Variants in PCSK5 observed in about 807,000 individuals in gnomAD.
The protein encoded by PCSK5 is prohormone convertase 5.
In PCSK5, 129 loss-of-function variants were observed where a neutral mutation model predicts 233.2. The observed-to-expected ratio is 0.55, with a 90% CI of 0.48 to 0.64. The LOEUF is 0.64. Ranked by LOEUF, PCSK5 falls within the 30% of genes least tolerant of loss-of-function variation. PCSK5 has a pLI of 0.00. For missense variants in PCSK5, 2,076 were observed against 2,430.1 expected (o/e 0.85, Z 3.06); for synonymous variants, 825 against 879.2 (o/e 0.94, Z 1.09).
chr9:76,110,897 T>G (rs964214388), intron 9 of PCSK5, among the ~76,000 whole-genome samples: 4 of 152,074 alleles, frequency 2.6e-5, no homozygotes. Context: ...TCACCTGAGG[T>G]CAGGAGTTTG....
At chr9:76,233,336 C>A in intron 21 of PCSK5, 124 bp from the exon 22 acceptor site, 1 of 897,632 alleles carries the variant, frequency 1.1e-6, no homozygotes, top group Non-Finnish European at 1.7e-6. Flanking sequence ...TCCCAGGCAT[C>A]CCCCTTGTTT....
At chr9:76,282,525 C>T (rs1827914872) in intron 24 of PCSK5, among the ~76,000 whole-genome samples, 1 of 149,004 alleles carries the variant, frequency 6.7e-6, no homozygotes, top group South Asian at 2.1e-4. Flanking sequence ...CCTATGTTGC[C>T]CAGGCTGATC....
chr9:76,323,792 G>A lies in PCSK5; in HGVS notation c.4339+504G>A, dbSNP rs184967861. Reference sequence around the variant, plus strand: ...TCACAACAGTGGCTATGAACTGCTGGTCAAAAGAAGTTATCATATAAAGAT... The same window carrying A: ...TCACAACAGTGGCTATGAACTGCTGATCAAAAGAAGTTATCATATAAAGAT... On this transcript the variant is annotated intron_variant, in intron 32 of 37. Transcript: ENST00000674117. Among the ~76,000 whole-genome samples the A allele has an allele frequency of 2.8e-3, 433 of 152,310 alleles. 2 individuals carry two copies. The highest frequency in any genetic ancestry group is 0.01 in the African/African-American group (420 of 41,560).
chr9:75,909,224 G>A (rs1289902019), intron 1 of PCSK5, among the ~76,000 whole-genome samples: 1 of 151,922 alleles, frequency 6.6e-6, no homozygotes, highest in East Asian at 1.9e-4. Context: ...ACTCTGGGAG[G>A]CTGAGGCAGG....
intron 3 of PCSK5, among the ~76,000 whole-genome samples, chr9:76,011,772 T>G (rs1378714601): frequency 1.3e-5 from 2 of 152,190 alleles, no homozygotes; most frequent in African/African-American, 4.8e-5. Flanking sequence ...TGATTTGCCC[T>G]TCCATGGCCA....
intron 2 of PCSK5, among the ~76,000 whole-genome samples, chr9:75,951,668 C>T (rs1454519346): frequency 6.6e-6 from 1 of 152,028 alleles, no homozygotes; most frequent in Non-Finnish European, 1.5e-5. Context: ...TCCTTATCCA[C>T]AGATTCCCAC....
intron 24 of PCSK5, among the ~76,000 whole-genome samples, chr9:76,246,341 CAAAAAAAAAAAAAA>C (rs59806704): frequency 2.3e-4 from 12 of 52,622 alleles, no homozygotes; most frequent in African/African-American, 5.5e-4. Context: ...GATTCCATCT[CAAAAAAAAAAAAAA>C]AAAAAAAAAA....
chr9:75,968,167 AGCACAGTGCCTG>A (rs1423310172), intron 2 of PCSK5, among the ~76,000 whole-genome samples: 2 of 152,250 alleles, frequency 1.3e-5, no homozygotes, highest in African/African-American at 2.4e-5. Flanking sequence ...ACTAGTGCCT[AGCACAGTGCCTG>A]GCACCTGATT....
chr9:75,925,360 T>C (rs557318349), intron 1 of PCSK5, among the ~76,000 whole-genome samples: 11 of 152,358 alleles, frequency 7.2e-5, no homozygotes, highest in African/African-American at 2.6e-4. Flanking sequence ...CCCACTGTTA[T>C]TTCGAGTTCC....
chr9:76,122,670 T>C (rs1427368444), intron 9 of PCSK5, among the ~76,000 whole-genome samples: 2 of 151,990 alleles, frequency 1.3e-5, no homozygotes, highest in African/African-American at 4.8e-5. Flanking sequence ...CTGTGAAGTC[T>C]TAAAAAAAAA....
chr9:76,349,586 C>T (rs1472246370), intron 35 of PCSK5, among the ~76,000 whole-genome samples: 2 of 152,166 alleles, frequency 1.3e-5, no homozygotes, highest in African/African-American at 2.4e-5. Context: ...AGCCATGAAA[C>T]GTCAATTTAA....
At chr9:76,189,554 A>T in intron 19 of PCSK5, 77 bp from the exon 20 acceptor site, 3 of 862,770 alleles carry the variant, frequency 3.5e-6, no homozygotes, top group Non-Finnish European at 5.8e-6. Flanking sequence ...AATGTAAGAC[A>T]TTATGAGGTT....
rs771743769 is a variant in PCSK5 at position 76,067,947 on chromosome 9, G to GC, written c.633-6dup. On this transcript the variant is annotated splice_polypyrimidine_tract_variant and splice_region_variant and intron_variant, in intron 5 of 37. Coordinates refer to ENST00000674117, the MANE Select transcript of PCSK5 (RefSeq NM_001372043.1). ...TTACTTGAGAAAGTGTGTGTGTTCT[G>GC]CCTGCAGGCATGGGACTCGCTGTGC... 9 of 1,611,230 alleles carry GC rather than the reference G, an allele frequency of 5.6e-6. No individual in the cohort carries two copies. The highest frequency in any genetic ancestry group is 7.6e-6 in the Non-Finnish European group (9 of 1,177,736).
intron 26 of PCSK5, among the ~76,000 whole-genome samples, chr9:76,296,247 G>A (rs1828434017): frequency 6.6e-6 from 1 of 152,180 alleles, no homozygotes; most frequent in South Asian, 2.1e-4. Flanking sequence ...TTACAAGCAT[G>A]AGCCACCTCG....
At chr9:76,111,262 G>T (rs903038157) in intron 9 of PCSK5, among the ~76,000 whole-genome samples, 1 of 152,288 alleles carries the variant, frequency 6.6e-6, no homozygotes, top group African/African-American at 2.4e-5. Context: ...GAATGAAATT[G>T]TTCTGCTCCC....
intron 1 of PCSK5, among the ~76,000 whole-genome samples, 189 bp from the exon 2 acceptor site, chr9:75,932,190 A>G (rs1259705208): frequency 2.0e-5 from 3 of 152,232 alleles, no homozygotes; most frequent in African/African-American, 4.8e-5. Context: ...TCCATTTCAT[A>G]TCACATGTCT....
Position 76,023,731 on chromosome 9 carries a change from C to CT in PCSK5, c.412-4dup. ...AGTAATCTTGCAGCATGCTCTTCTT[C>CT]TTTCAGCACTGCAGTGACAATACAC... On this transcript the variant is annotated splice_polypyrimidine_tract_variant and splice_region_variant and intron_variant, in intron 3 of 37. Transcript: ENST00000674117. 6.3e-7 allele frequency: 1 copy of CT among 1,597,656 alleles called. No individual in the cohort carries two copies. The highest frequency in any genetic ancestry group is 8.5e-7 in the Non-Finnish European group (1 of 1,173,712).
At chr9:76,280,093 C>G (rs1827820444) in intron 24 of PCSK5, among the ~76,000 whole-genome samples, 1 of 152,188 alleles carries the variant, frequency 6.6e-6, no homozygotes, top group South Asian at 2.1e-4. Context: ...CTTTGTGTCT[C>G]TGTGTCACAT....
At chr9:76,336,587 G>A (rs965034005) in intron 34 of PCSK5, among the ~76,000 whole-genome samples, 6 of 152,142 alleles carry the variant, frequency 3.9e-5, no homozygotes, top group African/African-American at 1.4e-4. Flanking sequence ...CTTTAAGCAA[G>A]TTGTCTAAAT....
Sources: gnomAD v4.1 joint callset for allele counts (sites outside exome capture counted in the v4.1 genomes callset) on GRCh38, gnomAD v4.1.1 for gene constraint, MANE v1.5 for transcripts, NCBI Gene and HGNC (gene_info 2026-07-23, HGNC 2026-07-21) for gene names.